The following PDGFC variants were observed in gnomAD, a reference collection of about 807,000 sequenced individuals.
PDGFC encodes the protein platelet derived growth factor C, also known as platelet-derived growth factor C.
In PDGFC, 12 loss-of-function variants were observed where a neutral mutation model predicts 35.5. That is an observed-to-expected ratio of 0.34 (90% CI 0.22 to 0.55). PDGFC has a LOEUF of 0.55. PDGFC is among the 20% of genes least tolerant of loss of function. The pLI is 0.91. For synonymous variants in PDGFC, 159 were observed against 148.8 expected (o/e 1.07, Z -0.50); for missense variants, 322 against 412.4 (o/e 0.78, Z 1.90).
At chr4:156,952,465 T>C (rs185418173) in intron 1 of PDGFC, among the ~76,000 whole-genome samples, 337 of 151,972 alleles carry the variant, frequency 2.2e-3, no homozygotes, top group African/African-American at 7.8e-3. Context: ...ACTGAAATTA[T>C]TGGCAGCACT....
chr4:156,839,550 C>T (rs1292780495), intron 2 of PDGFC, among the ~76,000 whole-genome samples: 1 of 152,098 alleles, frequency 6.6e-6, no homozygotes, highest in African/African-American at 2.4e-5. Context: ...TGGACTAATA[C>T]AGTAAATTGG....
At chr4:156,806,220 T>G (rs987841984) in intron 3 of PDGFC, among the ~76,000 whole-genome samples, 3 of 152,044 alleles carry the variant, frequency 2.0e-5, no homozygotes, top group African/African-American at 7.2e-5. Flanking sequence ...ACTGAAGTGT[T>G]GTGAGTTAAA....
intron 1 of PDGFC, among the ~76,000 whole-genome samples, chr4:156,936,679 T>C (rs1731691124): frequency 6.6e-6 from 1 of 152,178 alleles, no homozygotes; most frequent in Non-Finnish European, 1.5e-5. Flanking sequence ...AAAGCAGAGC[T>C]GTGAAGAAAT....
intron 3 of PDGFC, among the ~76,000 whole-genome samples, chr4:156,784,725 C>T (rs1731075445): frequency 6.6e-6 from 1 of 152,100 alleles, no homozygotes; most frequent in African/African-American, 2.4e-5. Flanking sequence ...GAGTTAATGT[C>T]AATTGTAGAT....
intron 1 of PDGFC, among the ~76,000 whole-genome samples, chr4:156,939,232 T>C (rs1324375926): frequency 6.6e-6 from 1 of 152,110 alleles, no homozygotes; most frequent in Non-Finnish European, 1.5e-5. Context: ...AGTTACTAGA[T>C]CACCGCTTTA....
chr4:156,884,451 A>G (rs978965768), intron 1 of PDGFC, among the ~76,000 whole-genome samples: 3 of 152,208 alleles, frequency 2.0e-5, no homozygotes, highest in Non-Finnish European at 4.4e-5. Flanking sequence ...ACATTTTACC[A>G]GCCTGAAGAA....
At position 156,872,145 on chromosome 4, in the gene PDGFC, T is replaced by G. The variant is rs539710753; in HGVS notation, c.119-21729A>C. Among the ~76,000 whole-genome samples, 14 of 152,300 alleles carry G rather than the reference T, an allele frequency of 9.2e-5. No individual in the cohort carries two copies. The South Asian group carries it at 2.1e-3, about 23-fold the overall frequency. ...AAATATCAGCTTTGCACACTCTGAT[T>G]AAACCATGACAGTCACAGCTGTTGT... On this transcript the variant is annotated intron_variant, in intron 1 of 5. Transcript: ENST00000502773.
intron 1 of PDGFC, among the ~76,000 whole-genome samples, chr4:156,900,340 C>T (rs1326657626): frequency 1.3e-5 from 2 of 152,200 alleles, no homozygotes; most frequent in African/African-American, 4.8e-5. Context: ...AGGTCCACCA[C>T]ATGCCAGTTA....
chr4:156,798,170 C>T (rs540892507), intron 3 of PDGFC, among the ~76,000 whole-genome samples: 82 of 152,106 alleles, frequency 5.4e-4, no homozygotes, highest in Non-Finnish European at 9.6e-4. Flanking sequence ...CCAGCTTGGG[C>T]GACAGAGCGA....
At position 156,762,335 on chromosome 4, in the gene PDGFC, A is replaced by T. The variant is rs1036835803; in HGVS notation, c.*755T>A. The T allele has an allele frequency of 2.0e-5, 3 of 152,636 alleles. No individual in the cohort carries two copies. The highest frequency in any genetic ancestry group is 4.4e-5 in the Non-Finnish European group (3 of 68,048). 9.5% of individuals were successfully genotyped at this position (152,636 alleles called of 1,614,324 possible). A position where few individuals can be genotyped will look rare whatever the true frequency, so the allele number is the denominator to read the frequency against. Reference sequence around the variant, plus strand: ...ATAGATATATTTAACAAGATTAGAAAAGCCAACAGTTATAATGTCAAAAGG... The same window carrying T: ...ATAGATATATTTAACAAGATTAGAATAGCCAACAGTTATAATGTCAAAAGG... On this transcript the variant is annotated 3_prime_UTR_variant, in exon 6 of 6. Transcript: ENST00000502773.
At chr4:156,867,688 G>T (rs1729878803) in intron 1 of PDGFC, among the ~76,000 whole-genome samples, 1 of 152,106 alleles carries the variant, frequency 6.6e-6, no homozygotes, top group Non-Finnish European at 1.5e-5. Flanking sequence ...TATTTTAAGT[G>T]ACTTATCGCT....
intron 1 of PDGFC, among the ~76,000 whole-genome samples, chr4:156,865,275 T>C (rs2111125197): frequency 6.6e-6 from 1 of 151,952 alleles, no homozygotes. Context: ...TTTCACATAC[T>C]TCCAACGTAA....
At chr4:156,793,186 T>C (rs910015434) in intron 3 of PDGFC, among the ~76,000 whole-genome samples, 11 of 152,122 alleles carry the variant, frequency 7.2e-5, no homozygotes, top group African/African-American at 1.9e-4. Context: ...CAAATGTTGA[T>C]AGAAGACTTT....
intron 2 of PDGFC, among the ~76,000 whole-genome samples, chr4:156,817,249 A>C (rs767794521): frequency 2.0e-5 from 3 of 152,206 alleles, no homozygotes; most frequent in Non-Finnish European, 4.4e-5. Flanking sequence ...ATTAATAAAG[A>C]CAAAAGCTGT....
At chr4:156,959,840 G>A (rs1732297972) in intron 1 of PDGFC, among the ~76,000 whole-genome samples, 1 of 151,934 alleles carries the variant, frequency 6.6e-6, no homozygotes, top group Non-Finnish European at 1.5e-5. Flanking sequence ...GGATGTAAAT[G>A]TTAGTTCTAA....
rs1336233345 is a variant in PDGFC at position 156,971,504 on chromosome 4, G to A, written c.-601C>T. On this transcript the variant is annotated 5_prime_UTR_variant, in exon 1 of 6. Transcript: ENST00000502773. ...CGGGGCGCCGGAGCGGGGCCGGGGGGCTCCGGGCCGACGGCGGCCCGGGCG... is the reference window on the plus strand; with the variant it reads ...CGGGGCGCCGGAGCGGGGCCGGGGGACTCCGGGCCGACGGCGGCCCGGGCG... The A allele has an allele frequency of 2.4e-5, 5 of 206,532 alleles. No homozygotes were observed. Among genetic ancestry groups the A allele is most frequent in the Non-Finnish European group, 3.8e-5 (4 of 105,416 alleles). 12.8% of individuals were successfully genotyped at this position (206,532 alleles called of 1,614,324 possible).
chr4:156,770,957 T>C (rs1730678857), intron 4 of PDGFC, among the ~76,000 whole-genome samples: 1 of 152,166 alleles, frequency 6.6e-6, no homozygotes, highest in Admixed American at 6.5e-5. Flanking sequence ...CTTATTCCTT[T>C]GTAGAGATAC....
intron 2 of PDGFC, among the ~76,000 whole-genome samples, chr4:156,815,912 T>G (rs1240582781): frequency 6.6e-6 from 1 of 152,164 alleles, no homozygotes; most frequent in Non-Finnish European, 1.5e-5. Context: ...GATCACTCCC[T>G]TTCTCTAACA....
At chr4:156,865,479 A>G (rs1729818194) in intron 1 of PDGFC, among the ~76,000 whole-genome samples, 1 of 152,218 alleles carries the variant, frequency 6.6e-6, no homozygotes, top group Non-Finnish European at 1.5e-5. Flanking sequence ...CCTTAAAAGG[A>G]TGAATTTACT....
Sources: allele counts gnomAD v4.1 joint callset (sites outside exome capture counted in the v4.1 genomes callset), GRCh38; gene constraint gnomAD v4.1.1; transcripts MANE v1.5; gene names NCBI Gene and HGNC (gene_info 2026-07-23, HGNC 2026-07-21).